KDM4C: variants seen among roughly 807,000 people sequenced by gnomAD.
KDM4C encodes the protein lysine demethylase 4C.
A neutral mutation model predicts 129.3 loss-of-function variants in KDM4C; 81 were observed. The ratio of observed to expected loss-of-function variants is 0.63; its 90% CI spans 0.52 to 0.75. The LOEUF is 0.75. KDM4C is among the 30% of genes least tolerant of loss of function. The probability of loss-of-function intolerance (pLI) is 0.00; values close to 1 mark genes in which losing one functional copy is unlikely to be tolerated. For synonymous variants in KDM4C, 573 were observed against 456.1 expected (o/e 1.26, Z -3.26); for missense variants, 1,457 against 1,304.0 (o/e 1.12, Z -1.81).
In KDM4C at chr9:6,882,804, G is replaced by GCA. The variant is rs558471182; in HGVS notation, c.679+2743_679+2744insCA. 4.6e-5 allele frequency among the ~76,000 whole-genome samples: 7 copies of GCA among 151,716 alleles called. No homozygotes were observed. In the East Asian group the frequency reaches 7.8e-4, roughly 17 times the overall value. On this transcript the variant is annotated intron_variant, in intron 6 of 21. Transcript: ENST00000381309. ...TGTGTGTGTGTGTGTGTGTGTGTGT[G>GCA]TGCGCGTGTGCACGTGCACGCACAT...
intron 4 of KDM4C, among the ~76,000 whole-genome samples, chr9:6,817,197 C>T (rs1177602914): frequency 1.9e-4 from 20 of 104,016 alleles, no homozygotes; most frequent in South Asian, 3.3e-4. Context: ...CTCCCCCTGC[C>T]CCCCCCCCCA....
intron 7 of KDM4C, among the ~76,000 whole-genome samples, chr9:6,890,076 A>G (rs1170226698): frequency 3.9e-5 from 6 of 152,150 alleles, no homozygotes; most frequent in Admixed American, 6.5e-5. Flanking sequence ...CTCATATTTA[A>G]TACTGTCACT....
rs570914077 is a variant in KDM4C, at chr9:7,072,021, A to G, written c.2424+22821A>G. On this transcript the variant is annotated intron_variant, in intron 17 of 21. Coordinates refer to ENST00000381309, the MANE Select transcript of KDM4C (RefSeq NM_015061.6). ...ATTTTATCTTACACTTCACTAGAGG[A>G]CATACATAGACAGCACATAAGTACA... 7.9e-5 allele frequency among the ~76,000 whole-genome samples: 12 copies of G among 152,316 alleles called. No individual in the cohort carries two copies. In the East Asian group the frequency reaches 2.3e-3, roughly 29 times the overall value.
chr9:6,966,302 C>G (rs564945228), intron 8 of KDM4C, among the ~76,000 whole-genome samples: 2 of 152,102 alleles, frequency 1.3e-5, no homozygotes, highest in African/African-American at 2.4e-5. Context: ...CCTGCCTCAG[C>G]CTCCTGAATA....
At chr9:6,964,343 G>C (rs1188699561) in intron 8 of KDM4C, among the ~76,000 whole-genome samples, 1 of 151,766 alleles carries the variant, frequency 6.6e-6, no homozygotes, top group Non-Finnish European at 1.5e-5. Context: ...TGCGGGGTTT[G>C]GTTTTCTGTC....
At chr9:7,091,927 C>G (rs1170405966) in intron 17 of KDM4C, among the ~76,000 whole-genome samples, 1 of 152,226 alleles carries the variant, frequency 6.6e-6, no homozygotes, top group Non-Finnish European at 1.5e-5. Context: ...TCAGCACATG[C>G]TTCTCTGCGC....
At chr9:6,844,282 A>G (rs559341360) in intron 4 of KDM4C, among the ~76,000 whole-genome samples, 7 of 126,182 alleles carry the variant, frequency 5.5e-5, no homozygotes, top group Admixed American at 3.5e-4. Flanking sequence ...AATTTACACT[A>G]TTTTATTTTT....
intron 1 of KDM4C, among the ~76,000 whole-genome samples, chr9:6,747,896 G>A (rs1160523028): frequency 2.0e-5 from 3 of 152,174 alleles, no homozygotes; most frequent in African/African-American, 7.2e-5. Context: ...AAAGAACAGA[G>A]GCTGGGCGCT....
chr9:7,022,385 A>G (rs1825024111), intron 15 of KDM4C, among the ~76,000 whole-genome samples: 5 of 152,030 alleles, frequency 3.3e-5, no homozygotes, highest in Admixed American at 1.3e-4. Flanking sequence ...GGTAAGTTAA[A>G]TCCTAGGTAT....
intron 5 of KDM4C, among the ~76,000 whole-genome samples, chr9:6,865,437 G>C (rs1236859751): frequency 2.0e-5 from 3 of 152,220 alleles, no homozygotes; most frequent in African/African-American, 7.2e-5. Context: ...ATTAGGGCCA[G>C]TCAGTCACAG....
Position 6,925,612 on chromosome 9 carries a change from C to T in KDM4C, c.921+32380C>T, listed in dbSNP as rs942974220. The T allele has an allele frequency of 2.0e-5, 20 of 985,382 alleles. No individual in the cohort carries two copies. In the South Asian group the frequency reaches 4.2e-4, roughly 21 times the overall value. The allele number at this position is 985,382 out of a possible 1,614,324, so 61.0% of individuals were successfully genotyped here. A position where few individuals can be genotyped will look rare whatever the true frequency, so the allele number is the denominator to read the frequency against. Reference sequence around the variant, plus strand: ...CTGGGCAGACCCTCAGTTCTAAAACCGTCTTGGCTTGTTTACCATCAGCCC... The same window carrying T: ...CTGGGCAGACCCTCAGTTCTAAAACTGTCTTGGCTTGTTTACCATCAGCCC... On this transcript the variant is annotated intron_variant, in intron 8 of 21. Coordinates refer to ENST00000381309, the MANE Select transcript of KDM4C (RefSeq NM_015061.6).
chr9:7,171,135 C>G (rs967363576), intron 21 of KDM4C, among the ~76,000 whole-genome samples: 1 of 152,030 alleles, frequency 6.6e-6, no homozygotes, highest in African/African-American at 2.4e-5. Flanking sequence ...AACTGACTTT[C>G]CTCTCAGCTG....
intron 15 of KDM4C, among the ~76,000 whole-genome samples, chr9:7,043,160 G>A (rs1366803198): frequency 6.6e-6 from 1 of 152,002 alleles, no homozygotes; most frequent in Non-Finnish European, 1.5e-5. Context: ...GGGAGGTGAA[G>A]TATATGAAAT....
chr9:6,953,820 T>C (rs1028002825), intron 8 of KDM4C, among the ~76,000 whole-genome samples: 1 of 152,222 alleles, frequency 6.6e-6, no homozygotes, highest in Non-Finnish European at 1.5e-5. Flanking sequence ...ACTTGAATGG[T>C]ATTCTCTGCT....
At chr9:6,932,977 G>GA (rs1036865467) in intron 8 of KDM4C, among the ~76,000 whole-genome samples, 3 of 152,002 alleles carry the variant, frequency 2.0e-5, no homozygotes, top group African/African-American at 7.3e-5. Context: ...GCTAATTTAA[G>GA]AAAAAGCTGT....
At chr9:7,050,472 CAA>C (rs1830006704) in intron 17 of KDM4C, among the ~76,000 whole-genome samples, 1 of 93,414 alleles carries the variant, frequency 1.1e-5, no homozygotes, top group Non-Finnish European at 2.5e-5. Flanking sequence ...AAAAAACAAA[CAA>C]AACGTTTGTA....
At chr9:6,965,551 A>T (rs1830812893) in intron 8 of KDM4C, among the ~76,000 whole-genome samples, 1 of 152,136 alleles carries the variant, frequency 6.6e-6, no homozygotes. Flanking sequence ...AAACCTCAAG[A>T]CTCTGCAGTC....
intron 8 of KDM4C, among the ~76,000 whole-genome samples, chr9:6,977,972 T>C (rs916888462): frequency 1.3e-5 from 2 of 152,188 alleles, no homozygotes; most frequent in Admixed American, 1.3e-4. Flanking sequence ...AAGATAACAC[T>C]AGAAACCTCA....
At chr9:6,901,975 G>A (rs377241449) in intron 8 of KDM4C, among the ~76,000 whole-genome samples, 52 of 152,300 alleles carry the variant, frequency 3.4e-4, no homozygotes, top group Admixed American at 1.5e-3. Flanking sequence ...CTGAGGATAA[G>A]GGACAAACAT....
Sources: gnomAD v4.1 joint callset for allele counts (sites outside exome capture counted in the v4.1 genomes callset) on GRCh38, gnomAD v4.1.1 for gene constraint, MANE v1.5 for transcripts, NCBI Gene and HGNC (gene_info 2026-07-23, HGNC 2026-07-21) for gene names.